Variants in RIC1 observed in about 807,000 individuals in gnomAD.
The protein encoded by RIC1 is guanine nucleotide exchange factor subunit RIC1.
Under a neutral mutation model 169.0 loss-of-function variants are expected in RIC1, and 88 were observed. The ratio of observed to expected loss-of-function variants is 0.52; its 90% CI spans 0.44 to 0.62. The LOEUF is 0.62. RIC1 is among the 20% of genes least tolerant of loss of function. RIC1 has a pLI of 0.00. For missense variants in RIC1, 1,877 were observed against 1,725.5 expected (o/e 1.09, Z -1.56); for synonymous variants, 790 against 601.5 (o/e 1.31, Z -4.59).
chr9:5,773,644 T>C (rs1297984224), intron 25 of RIC1, among the ~76,000 whole-genome samples: 1 of 152,198 alleles, frequency 6.6e-6, no homozygotes, highest in Non-Finnish European at 1.5e-5. Flanking sequence ...TGTCTGAAGG[T>C]CCTTTTTCAA....
At chr9:5,680,359 A>G (rs996432273) in intron 2 of RIC1, among the ~76,000 whole-genome samples, 1 of 152,212 alleles carries the variant, frequency 6.6e-6, no homozygotes, top group African/African-American at 2.4e-5. Context: ...GCGTCATCAA[A>G]TGAGTTAGGG....
At chr9:5,699,363 G>A (rs542357645) in intron 3 of RIC1, among the ~76,000 whole-genome samples, 53 of 152,296 alleles carry the variant, frequency 3.5e-4, no homozygotes, top group East Asian at 2.7e-3. Context: ...TCTGGTCCAA[G>A]GTGGGCTTCA....
intron 19 of RIC1, 144 bp from the exon 20 acceptor site, chr9:5,765,270 T>A: frequency 6.3e-6 from 5 of 799,612 alleles, no homozygotes; most frequent in Non-Finnish European, 9.9e-6. Context: ...TTTCCTTGTA[T>A]GGTACTTTTT....
rs1823542952 is a variant in RIC1 at position 5,720,785 on chromosome 9, T to C, written c.720+35T>C. 5 of 1,512,482 alleles carry C rather than the reference T, an allele frequency of 3.3e-6. No individual in the cohort carries two copies. In the Admixed American group the frequency reaches 6.6e-5, roughly 20 times the overall value. 93.7% of individuals were successfully genotyped at this position (1,512,482 alleles called of 1,614,324 possible). ...ATTTACTTTGAAGGGTTTTTTGTTA[T>C]TGTGTACTTATTTTATTCTTTGTTA... On this transcript the variant is annotated intron_variant, in intron 6 of 25. Coordinates refer to ENST00000414202, the MANE Select transcript of RIC1 (RefSeq NM_020829.4).
intron 14 of RIC1, 35 bp downstream of exon 14, chr9:5,753,681 A>C: frequency 4.5e-6 from 5 of 1,106,112 alleles, no homozygotes; most frequent in African/African-American, 1.6e-5. Flanking sequence ...CCTATTTCTC[A>C]AAGTATAAGA....
chr9:5,685,211 T>A (rs1282168488), intron 2 of RIC1, among the ~76,000 whole-genome samples: 1 of 148,438 alleles, frequency 6.7e-6, no homozygotes, highest in Non-Finnish European at 1.5e-5. Context: ...CCAAGGTGAT[T>A]TACAGATTCA....
chr9:5,651,932 C>A (rs1300959370), intron 1 of RIC1, among the ~76,000 whole-genome samples: 1 of 152,146 alleles, frequency 6.6e-6, no homozygotes, highest in African/African-American at 2.4e-5. Context: ...CATTCTTTTG[C>A]ATGTGGCTAT....
chr9:5,701,604 A>G (rs1006219071), intron 3 of RIC1, among the ~76,000 whole-genome samples: 3 of 152,260 alleles, frequency 2.0e-5, no homozygotes, highest in Non-Finnish European at 1.5e-5. Context: ...AAAAAAAAAA[A>G]AAAGAAAAGT....
intron 7 of RIC1, among the ~76,000 whole-genome samples, chr9:5,737,665 C>G (rs1466191457): frequency 6.6e-6 from 1 of 151,566 alleles, no homozygotes; most frequent in African/African-American, 2.4e-5. Context: ...AGGTACCAAC[C>G]CCCCAACACA....
intron 4 of RIC1, among the ~76,000 whole-genome samples, chr9:5,716,729 T>C (rs538212603): frequency 2.0e-5 from 3 of 152,212 alleles, no homozygotes; most frequent in Non-Finnish European, 2.9e-5. Context: ...GCCAGATTTT[T>C]CTGAGGGAGG....
At chr9:5,777,908 T>G (rs1278300178), downstream of RIC1, among the ~76,000 whole-genome samples, 1 of 152,200 alleles carries the variant, frequency 6.6e-6, no homozygotes, top group African/African-American at 2.4e-5. Flanking sequence ...GTCCTAAGTT[T>G]GTTTTTTCTA....
At chr9:5,706,963 CT>C (rs1457614056) in intron 3 of RIC1, among the ~76,000 whole-genome samples, 6 of 152,142 alleles carry the variant, frequency 3.9e-5, no homozygotes, top group African/African-American at 1.4e-4. Context: ...TCTGCCAGCT[CT>C]TTTACTAGTT....
chr9:5,765,874 G>T lies in RIC1; in HGVS notation c.3137+76G>T. ...CATTTCAAGACATTTACAAAATTAG[G>T]TCTTAATGGAAACAACTATTTAATC... On this transcript the variant is annotated intron_variant, in intron 21 of 25. Coordinates refer to ENST00000414202, the MANE Select transcript of RIC1 (RefSeq NM_020829.4). 6 of 1,532,862 alleles carry T rather than the reference G, an allele frequency of 3.9e-6. No individual in the cohort carries two copies. In the South Asian group the frequency reaches 7.1e-5, roughly 18 times the overall value. The allele number at this position is 1,532,862 out of a possible 1,614,324, so 95.0% of individuals were successfully genotyped here.
In RIC1 at chr9:5,742,832, C is replaced by G. The variant is rs759957938; in HGVS notation, c.902-37C>G. On this transcript the variant is annotated intron_variant, in intron 8 of 25. Coordinates refer to ENST00000414202, the MANE Select transcript of RIC1 (RefSeq NM_020829.4). ...AAAAAAACAAGTATTTCTGAAGCAA[C>G]TATTTATTTTTAACTCTTCTCACTA... 4 of 1,429,502 alleles carry G rather than the reference C, an allele frequency of 2.8e-6. No homozygotes were observed. The South Asian group carries it at 3.8e-5, about 14-fold the overall frequency. The allele number at this position is 1,429,502 out of a possible 1,614,324, so 88.6% of individuals were successfully genotyped here. A position where few individuals can be genotyped will look rare whatever the true frequency, so the allele number is the denominator to read the frequency against.
At chr9:5,769,289 G>T in intron 22 of RIC1, 33 bp downstream of exon 22, 1 of 1,613,878 alleles carries the variant, frequency 6.2e-7, no homozygotes, top group Non-Finnish European at 8.5e-7. Flanking sequence ...TGTACAAGGA[G>T]AATTGTATTT....
intron 2 of RIC1, among the ~76,000 whole-genome samples, chr9:5,669,655 A>G (rs1819975774): frequency 6.6e-6 from 1 of 152,210 alleles, no homozygotes; most frequent in African/African-American, 2.4e-5. Flanking sequence ...ACAGTAAGGA[A>G]AACTTTTTTG....
chr9:5,706,753 T>A (rs369101259), intron 3 of RIC1, among the ~76,000 whole-genome samples: 1 of 152,224 alleles, frequency 6.6e-6, no homozygotes, highest in Non-Finnish European at 1.5e-5. Flanking sequence ...TACAATATTC[T>A]CTTATAACCC....
intron 2 of RIC1, among the ~76,000 whole-genome samples, chr9:5,670,199 T>G (rs1820008925): frequency 6.6e-6 from 1 of 152,226 alleles, no homozygotes; most frequent in African/African-American, 2.4e-5. Context: ...TGGGAAAAAT[T>G]GGCTGTGGAG....
chr9:5,630,322 T>TA (rs1404089335), intron 1 of RIC1, among the ~76,000 whole-genome samples: 1 of 152,172 alleles, frequency 6.6e-6, no homozygotes, highest in Non-Finnish European at 1.5e-5. Flanking sequence ...GTTCAGAGTA[T>TA]AAAAATGCTT....
Sources: gnomAD v4.1 joint callset for allele counts (sites outside exome capture counted in the v4.1 genomes callset) on GRCh38, gnomAD v4.1.1 for gene constraint, MANE v1.5 for transcripts, NCBI Gene and HGNC (gene_info 2026-07-23, HGNC 2026-07-21) for gene names.